The following BTD variants were observed in gnomAD, a reference collection of about 807,000 sequenced individuals.
BTD encodes biotinidase, also known as biocytinase.
In BTD, 13 loss-of-function variants were observed where a neutral mutation model predicts 17.7. The ratio of observed to expected loss-of-function variants is 0.74; its 90% confidence interval spans 0.48 to 1.17. BTD has a LOEUF of 1.17. BTD is among the 50% of genes most tolerant of loss of function. BTD has a pLI of 0.00. For missense variants in BTD, 674 were observed against 650.4 expected (o/e 1.04, Z -0.39); for synonymous variants, 240 against 245.2 (o/e 0.98, Z 0.20).
chr3:15,718,159 A>T (rs1478027541), intron 4 of BTD, among the ~76,000 whole-genome samples: 1 of 152,212 alleles, frequency 6.6e-6, no homozygotes, highest in Non-Finnish European at 1.5e-5. Context: ...AGCTATCAAC[A>T]TATTGTGTGT....
chr3:15,709,462 G>A (rs1283768897), intron 3 of BTD, among the ~76,000 whole-genome samples: 1 of 152,182 alleles, frequency 6.6e-6, no homozygotes, highest in Non-Finnish European at 1.5e-5. Flanking sequence ...GTGGTTGGTA[G>A]GCTAGGGCTG....
intron 3 of BTD, chr3:15,686,181 T>C: frequency 6.3e-7 from 1 of 1,592,412 alleles, no homozygotes; most frequent in South Asian, 1.1e-5. Flanking sequence ...GTTTTCGAAA[T>C]ACGCCCTTCT....
chr3:15,659,249 T>C (rs2065899555), intron 3 of BTD, among the ~76,000 whole-genome samples: 1 of 152,016 alleles, frequency 6.6e-6, no homozygotes, highest in Non-Finnish European at 1.5e-5. Context: ...TCCATTGCTG[T>C]GCTTATAATG....
chr3:15,664,978 CA>C (rs2065962673), intron 3 of BTD, among the ~76,000 whole-genome samples: 2 of 152,116 alleles, frequency 1.3e-5, no homozygotes. Context: ...ACCTATATAA[CA>C]AACCTGCACA....
intron 1 of BTD, among the ~76,000 whole-genome samples, chr3:15,630,278 G>GA (rs1201628667): frequency 6.6e-6 from 1 of 152,168 alleles, no homozygotes; most frequent in Non-Finnish European, 1.5e-5. Flanking sequence ...CTGCTATTGC[G>GA]ATACCTAAGG....
intron 1 of BTD, among the ~76,000 whole-genome samples, chr3:15,633,370 C>G (rs1166832808): frequency 6.6e-6 from 1 of 152,164 alleles, no homozygotes; most frequent in Non-Finnish European, 1.5e-5. Flanking sequence ...CTGGTTGAAT[C>G]TGCATAACCT....
In BTD at chr3:15,646,813, C is replaced by T. The variant is rs1449354606; in HGVS notation, c.*1325C>T. The T allele has an allele frequency of 6.6e-6, 1 of 152,112 alleles. No homozygotes were observed. The highest frequency in any genetic ancestry group is 6.5e-5 in the Admixed American group (1 of 15,274). The allele number at this position is 152,112 out of a possible 1,614,324, so 9.4% of individuals were successfully genotyped here. A position where few individuals can be genotyped will look rare whatever the true frequency, so the allele number is the denominator to read the frequency against. On this transcript the variant is annotated 3_prime_UTR_variant, in exon 4 of 4. Transcript: ENST00000643237. ...AAAGCAAGAAAAATGAAATGATCTCCCTATTCCCCCACGGTGTAGGCCTCC... is the reference window on the plus strand; with the variant it reads ...AAAGCAAGAAAAATGAAATGATCTCTCTATTCCCCCACGGTGTAGGCCTCC...
At chr3:15,637,140 C>T (rs1408456571) in intron 2 of BTD, among the ~76,000 whole-genome samples, 2 of 152,134 alleles carry the variant, frequency 1.3e-5, no homozygotes, top group African/African-American at 4.8e-5. Context: ...TCATGATCCC[C>T]CTGGCATCTG....
intron 3 of BTD, chr3:15,684,429 T>C (rs2067876379): frequency 6.6e-6 from 1 of 152,196 alleles, no homozygotes; most frequent in Non-Finnish European, 1.5e-5. Context: ...CTGCTAGGGA[T>C]TTATTCCTTT....
chr3:15,601,996 G>C, intron 1 of BTD, 102 bp downstream of exon 1: 1 of 1,551,210 alleles, frequency 6.4e-7, no homozygotes, highest in Non-Finnish European at 8.7e-7. Context: ...GCTGCGCAAA[G>C]GCTGCCGGGA....
chr3:15,677,894 T>G (rs1193084724), intron 3 of BTD, among the ~76,000 whole-genome samples: 1 of 152,188 alleles, frequency 6.6e-6, no homozygotes, highest in African/African-American at 2.4e-5. Flanking sequence ...GTTATTTTTC[T>G]CATTTTATAA....
At chr3:15,708,251 C>G (rs2071735217) in intron 3 of BTD, among the ~76,000 whole-genome samples, 1 of 152,168 alleles carries the variant, frequency 6.6e-6, no homozygotes, top group Admixed American at 6.5e-5. Context: ...TGGCAGAGAA[C>G]CTTTAAGTAT....
At chr3:15,622,896 C>T (rs909347334) in intron 1 of BTD, among the ~76,000 whole-genome samples, 1 of 152,180 alleles carries the variant, frequency 6.6e-6, no homozygotes, top group Non-Finnish European at 1.5e-5. Context: ...CTATGTTAGT[C>T]TGTTTTCATG....
At chr3:15,680,658 TTTTTA>T (rs1419798120) in intron 3 of BTD, among the ~76,000 whole-genome samples, 11 of 152,286 alleles carry the variant, frequency 7.2e-5, no homozygotes, top group Non-Finnish European at 1.5e-4. Flanking sequence ...TTCTGGTATT[TTTTTA>T]TTTTATTAAA....
intron 1 of BTD, chr3:15,630,113 G>A: frequency 1.0e-6 from 1 of 984,324 alleles, no homozygotes; most frequent in Non-Finnish European, 1.2e-6. Flanking sequence ...TGCCATCGTG[G>A]GAGTGTGGTG....
Position 15,635,512 on chromosome 3 carries a change from G to T in BTD, c.73G>T (p.Gly25Trp). Residue 25 changes from glycine to tryptophan, a missense_variant, in exon 2 of 4, where the codon GGG becomes TGG. By Grantham distance (184) the Gly-to-Trp change is radical. Transcript: ENST00000643237. The surrounding 1 kb of genome is among the most constrained non-coding windows in gnomAD (Gnocchi z 4.1). ...CGTGGTTGCCCTGGGAGCCCACACC[G>T]GGGAGGAGAGCGTGGCTGACCATCA... ...CYVVALGAHT[G>W]EESVADHHEA... 2.5e-6 allele frequency: 4 copies of T among 1,614,134 alleles called. No individual in the cohort carries two copies. Among genetic ancestry groups the T allele is most frequent in the Non-Finnish European group, 3.4e-6 (4 of 1,180,016 alleles).
intron 3 of BTD, among the ~76,000 whole-genome samples, chr3:15,699,705 G>C (rs1172041440): frequency 6.6e-6 from 1 of 152,244 alleles, no homozygotes; most frequent in East Asian, 1.9e-4. Flanking sequence ...ACGCCAGTTA[G>C]AATGGCCATC....
At chr3:15,618,589 G>A (rs2064859519) in intron 1 of BTD, among the ~76,000 whole-genome samples, 4 of 151,744 alleles carry the variant, frequency 2.6e-5, no homozygotes, top group South Asian at 2.1e-4. Flanking sequence ...GCAGTGGTGC[G>A]ATCTCGGCTC....
At chr3:15,720,895 A>G (rs1318390636) in intron 4 of BTD, 1 of 1,606,124 alleles carries the variant, frequency 6.2e-7, no homozygotes, top group Non-Finnish European at 8.5e-7. Flanking sequence ...ATACTTATAG[A>G]TTCTGATTTT....
Sources: allele counts gnomAD v4.1 joint callset (sites outside exome capture counted in the v4.1 genomes callset), GRCh38; gene constraint gnomAD v4.1.1; non-coding constraint Gnocchi (gnomAD v3.1); transcripts MANE v1.5; gene names NCBI Gene and HGNC (gene_info 2026-07-23, HGNC 2026-07-21).